Variants in PHLPP1 observed in about 807,000 individuals in gnomAD.
PHLPP1 encodes PH domain leucine-rich repeat-containing protein phosphatase 1.
PHLPP1 carries 42 observed loss-of-function variants against 117.2 expected under a neutral mutation model. The observed-to-expected ratio is 0.36, with a 90% CI of 0.28 to 0.46. The LOEUF (loss-of-function observed/expected upper bound fraction) is 0.46, where lower values mean the gene tolerates loss of function less well. Ranked by LOEUF, PHLPP1 falls within the 20% of genes least tolerant of loss-of-function variation. The pLI is 1.00. For synonymous variants in PHLPP1, 1,042 were observed against 970.7 expected (o/e 1.07, Z -1.37); for missense variants, 2,084 against 2,241.9 (o/e 0.93, Z 1.42).
intron 10 of PHLPP1, among the ~76,000 whole-genome samples, chr18:62,940,219 T>TCC (rs1398795977): frequency 1.3e-5 from 2 of 151,602 alleles, no homozygotes; most frequent in African/African-American, 2.4e-5. Flanking sequence ...TTGTTGCCAT[T>TCC]CCCCAGCTTT....
intron 4 of PHLPP1, among the ~76,000 whole-genome samples, chr18:62,886,095 C>T (rs375658444): frequency 4.6e-5 from 7 of 152,220 alleles, no homozygotes; most frequent in Middle Eastern, 3.4e-3. Flanking sequence ...TATAAACGTA[C>T]GGTGTCATTA....
intron 1 of PHLPP1, among the ~76,000 whole-genome samples, chr18:62,813,703 C>T (rs1377856526): frequency 1.3e-5 from 2 of 152,168 alleles, no homozygotes; most frequent in Non-Finnish European, 2.9e-5. Context: ...GAATGAGAAA[C>T]TCTTGAGTGG....
intron 3 of PHLPP1, among the ~76,000 whole-genome samples, chr18:62,841,331 CTTTTTTTTT>C (rs1048275193): frequency 6.2e-5 from 8 of 128,558 alleles, no homozygotes; most frequent in African/African-American, 8.8e-5. Context: ...TTCTTTCTCT[CTTTTTTTTT>C]TTTTTTTTTT....
intron 1 of PHLPP1, among the ~76,000 whole-genome samples, chr18:62,757,472 A>G (rs927270675): frequency 6.6e-6 from 1 of 152,210 alleles, no homozygotes; most frequent in Non-Finnish European, 1.5e-5. Flanking sequence ...AGTGCAGGCC[A>G]TACTGGGATA....
At position 62,808,330 on chromosome 18, in the gene PHLPP1, G is replaced by A. The variant is rs192578962; in HGVS notation, c.1577-21705G>A. Among the ~76,000 whole-genome samples the A allele has an allele frequency of 1.4e-3, 205 of 149,866 alleles. 1 individual carries two copies. Among genetic ancestry groups the A allele is most frequent in the African/African-American group, 5.1e-3 (202 of 39,344 alleles). ...GGAGATAGAAATTGGGAAGTTGACAGTATGATGTAATCAATCTGTAATTCA... is the reference window on the plus strand; with the variant it reads ...GGAGATAGAAATTGGGAAGTTGACAATATGATGTAATCAATCTGTAATTCA... On this transcript the variant is annotated intron_variant, in intron 1 of 16. Coordinates refer to ENST00000262719, the MANE Select transcript of PHLPP1 (RefSeq NM_194449.4).
At chr18:62,836,156 G>A (rs1224380226) in intron 2 of PHLPP1, among the ~76,000 whole-genome samples, 3 of 151,702 alleles carry the variant, frequency 2.0e-5, no homozygotes, top group South Asian at 4.2e-4. Context: ...TAATTAAAAG[G>A]CTGGGAATGG....
At chr18:62,810,421 C>T (rs1314138710) in intron 1 of PHLPP1, among the ~76,000 whole-genome samples, 2 of 152,068 alleles carry the variant, frequency 1.3e-5, no homozygotes, top group East Asian at 1.9e-4. Context: ...GAATTTGTTC[C>T]AAGACTCCCA....
At chr18:62,928,921 A>G (rs1444589970) in intron 10 of PHLPP1, among the ~76,000 whole-genome samples, 3 of 152,220 alleles carry the variant, frequency 2.0e-5, no homozygotes, top group East Asian at 3.8e-4. Context: ...TTCTTTTTAT[A>G]TGAAATATTT....
chr18:62,960,524 A>G (rs1184473946), intron 13 of PHLPP1, among the ~76,000 whole-genome samples: 2 of 152,242 alleles, frequency 1.3e-5, no homozygotes, highest in African/African-American at 4.8e-5. Flanking sequence ...AAAAGCATTA[A>G]TATGCTTACT....
chr18:62,843,808 G>A (rs774838892), intron 3 of PHLPP1, among the ~76,000 whole-genome samples: 18 of 152,154 alleles, frequency 1.2e-4, no homozygotes, highest in Non-Finnish European at 2.1e-4. Context: ...AAAAGGCTAC[G>A]GCTAAGCTGT....
In PHLPP1 at chr18:62,945,117, C is replaced by T. The variant is rs191213408; in HGVS notation, c.3170C>T (p.Ala1057Val). 6.7e-4 allele frequency: 1,055 copies of T among 1,576,628 alleles called. 6 individuals carry two copies. The highest frequency in any genetic ancestry group is 2.2e-4 in the Admixed American group (11 of 51,000). Reference sequence around the variant, plus strand: ...ATTTTCTCTTTTTTTAGTAAAATGGCGAAACTGGAGGAACTTGAAGAAATT... The same window carrying T: ...ATTTTCTCTTTTTTTAGTAAAATGGTGAAACTGGAGGAACTTGAAGAAATT... Reference protein sequence around the residue: ...RLQSFPASKMAKLEELEEIDL... With the variant: ...RLQSFPASKMVKLEELEEIDL... The change falls in exon 12 of 17, where the codon GCG becomes GTG. Residue 1057 changes from alanine (A) to valine (V), a missense_variant. Ala to Val is a moderately conservative substitution (Grantham distance 64). Around this residue, in one of 2 missense-constraint regions of PHLPP1, gnomAD observed 1,365 missense variants for 1,605.9 expected, o/e 0.85. Coordinates refer to ENST00000262719, the MANE Select transcript of PHLPP1 (RefSeq NM_194449.4).
chr18:62,979,329 ACAGCAG>A lies in PHLPP1; in HGVS notation c.5063_5068del (p.Gln1688_Gln1689del). On this transcript the variant is annotated inframe_deletion, in exon 17 of 17. Coordinates refer to ENST00000262719, the MANE Select transcript of PHLPP1 (RefSeq NM_194449.4). The stretch of plus-strand genomic sequence containing the variant: ...AAATCATGAAGCATCACCAGGAGCA[ACAGCAG>A]CAGCAGCAGCCGCCACCACCCCCTC... 6.4e-7 allele frequency: 1 copy of A among 1,551,714 alleles called. No individual in the cohort carries two copies.
chr18:62,892,082 CTTTTTTTT>C (rs200141250), intron 4 of PHLPP1, among the ~76,000 whole-genome samples: 1,345 of 107,926 alleles, frequency 0.012, 22 homozygotes, highest in African/African-American at 0.049. Flanking sequence ...TTCTTTCTTT[CTTTTTTTT>C]TTTTTTTTTT....
intron 1 of PHLPP1, among the ~76,000 whole-genome samples, chr18:62,786,544 CTT>C (rs907495249): frequency 3.1e-4 from 47 of 152,132 alleles, no homozygotes; most frequent in African/African-American, 1.1e-3. Context: ...TTCCCATTGT[CTT>C]TGCTTTTTGC....
chr18:62,832,717 A>G (rs1036197862), intron 2 of PHLPP1, among the ~76,000 whole-genome samples: 3 of 151,926 alleles, frequency 2.0e-5, no homozygotes, highest in Non-Finnish European at 2.9e-5. Flanking sequence ...ATTTCTTGCA[A>G]TTTGAGCTTT....
At chr18:62,808,942 A>G (rs1914036009) in intron 1 of PHLPP1, among the ~76,000 whole-genome samples, 1 of 152,026 alleles carries the variant, frequency 6.6e-6, no homozygotes, top group East Asian at 1.9e-4. Flanking sequence ...CCTGGTTATT[A>G]TTTTACTAGA....
chr18:62,979,613 T>TAGAAGAAAGTGGTGA lies in PHLPP1; in HGVS notation c.*182_*183insAGAAGAAAGTGGTGA. On this transcript the variant is annotated 3_prime_UTR_variant, in exon 17 of 17. Coordinates refer to ENST00000262719, the MANE Select transcript of PHLPP1 (RefSeq NM_194449.4). ...GGTTATTTTTTTAAGTAATCACCAC[T>TAGAAGAAAGTGGTGA]TTCTTCTAGTGATGCTTTACCAATA... 1.6e-6 allele frequency: 1 copy of TAGAAGAAAGTGGTGA among 626,550 alleles called. No individual in the cohort carries two copies. The highest frequency in any genetic ancestry group is 2.8e-6 in the Non-Finnish European group (1 of 362,796). 38.8% of individuals were successfully genotyped at this position (626,550 alleles called of 1,614,324 possible).
intron 2 of PHLPP1, among the ~76,000 whole-genome samples, chr18:62,836,430 TAAAAATAA>T (rs1373567021): frequency 8.6e-6 from 1 of 115,920 alleles, no homozygotes; most frequent in Non-Finnish European, 1.8e-5. Flanking sequence ...AGACTCCATC[TAAAAATAA>T]ATAAATAAAT....
intron 2 of PHLPP1, among the ~76,000 whole-genome samples, chr18:62,832,979 T>C (rs988313602): frequency 7.9e-5 from 12 of 152,194 alleles, no homozygotes; most frequent in Non-Finnish European, 1.3e-4. Flanking sequence ...AATTTAGTTA[T>C]TGAAAGAGTA....
Sources: allele counts gnomAD v4.1 joint callset (sites outside exome capture counted in the v4.1 genomes callset), GRCh38; gene constraint gnomAD v4.1.1; regional missense constraint gnomAD v4.1.1; transcripts MANE v1.5; gene names NCBI Gene and HGNC (gene_info 2026-07-23, HGNC 2026-07-21).